Variants in RARB observed in about 807,000 individuals in gnomAD.
RARB encodes the protein HBV-activated protein.
Under a neutral mutation model 51.9 loss-of-function variants are expected in RARB, and 17 were observed. The ratio of observed to expected loss-of-function variants is 0.33; its 90% CI spans 0.22 to 0.49. The LOEUF (loss-of-function observed/expected upper bound fraction) is 0.49, where lower values mean the gene tolerates loss of function less well. Among genes scored for constraint, RARB ranks in the 20% least tolerant of loss-of-function variants. The pLI, the probability that RARB is intolerant of heterozygous loss-of-function variation, is 0.99. For missense variants in RARB, 369 were observed against 550.8 expected, an observed-to-expected ratio of 0.67 and a Z score of 3.30; for synonymous variants, 215 against 195.4, an observed-to-expected ratio of 1.10 and a Z score of -0.84.
At chr3:24,841,548 GTAACTCC>G (rs1702421863) in intron 1 of RARB, among the ~76,000 whole-genome samples, 1 of 152,146 alleles carries the variant, frequency 6.6e-6, no homozygotes, top group South Asian at 2.1e-4. Flanking sequence ...CAAATTTATA[GTAACTCC>G]TGTATCAAAA....
intron 5 of RARB, among the ~76,000 whole-genome samples, chr3:25,366,833 G>A (rs73156074): frequency 0.054 from 8,174 of 152,182 alleles, 720 homozygotes; most frequent in African/African-American, 0.18. Context: ...ATTTGGAATT[G>A]TTCATGGGCC....
intron 2 of RARB, among the ~76,000 whole-genome samples, chr3:25,055,993 G>A (rs979649401): frequency 1.3e-5 from 2 of 152,056 alleles, no homozygotes; most frequent in Admixed American, 1.3e-4. Context: ...TAAATGCTGT[G>A]GGAACAGAGT....
chr3:25,356,679 G>A (rs1484636222), intron 5 of RARB, among the ~76,000 whole-genome samples: 1 of 151,916 alleles, frequency 6.6e-6, no homozygotes, highest in Non-Finnish European at 1.5e-5. Context: ...CCCATTCCCT[G>A]ACAGGCCCTG....
chr3:25,408,296 C>T (rs1053890212), intron 5 of RARB, among the ~76,000 whole-genome samples: 1 of 152,068 alleles, frequency 6.6e-6, no homozygotes, highest in African/African-American at 2.4e-5. Flanking sequence ...AGTTGACTCA[C>T]ATTTCTGCAT....
At chr3:25,336,353 A>G (rs1575322065) in intron 5 of RARB, among the ~76,000 whole-genome samples, 3 of 152,344 alleles carry the variant, frequency 2.0e-5, no homozygotes, top group South Asian at 4.1e-4. Flanking sequence ...ATTAAATTCC[A>G]CAGATAACTT....
At chr3:24,927,984 T>C (rs1047156594) in intron 2 of RARB, among the ~76,000 whole-genome samples, 3 of 152,134 alleles carry the variant, frequency 2.0e-5, no homozygotes, top group Non-Finnish European at 2.9e-5. Context: ...CTTTGTACAA[T>C]GTGATTGCTT....
chr3:24,839,589 T>C (rs2125329573), intron 1 of RARB, among the ~76,000 whole-genome samples: 1 of 148,714 alleles, frequency 6.7e-6, no homozygotes, highest in East Asian at 2.0e-4. Context: ...ACATCTGTGG[T>C]CCCAGCTACT....
intron 2 of RARB, among the ~76,000 whole-genome samples, chr3:24,944,233 G>A (rs1695727941): frequency 6.6e-6 from 1 of 152,036 alleles, no homozygotes; most frequent in Non-Finnish European, 1.5e-5. Context: ...TATCTGTCTG[G>A]CCTTCTCATT....
intron 5 of RARB, among the ~76,000 whole-genome samples, chr3:25,229,337 ATTTC>A (rs1202500939): frequency 6.6e-6 from 1 of 152,092 alleles, no homozygotes; most frequent in African/African-American, 2.4e-5. Flanking sequence ...TACCATATGA[ATTTC>A]TTTCTGAAGG....
At chr3:25,439,955 T>C (rs1351827278) in intron 1 of RARB, among the ~76,000 whole-genome samples, 1 of 152,132 alleles carries the variant, frequency 6.6e-6, no homozygotes, top group Admixed American at 6.5e-5. Flanking sequence ...TGAGGTTGGG[T>C]AGACATTCTT....
intron 3 of RARB, among the ~76,000 whole-genome samples, chr3:25,077,117 C>T (rs984929034): frequency 2.6e-5 from 4 of 152,178 alleles, no homozygotes; most frequent in Non-Finnish European, 5.9e-5. Context: ...TATGGTCAAA[C>T]CCAATATTGA....
rs545288744 is a variant in RARB at position 25,524,821 on chromosome 3, C to A, written c.448+23498C>A. Among the ~76,000 whole-genome samples the A allele has an allele frequency of 2.6e-5, 4 of 152,208 alleles. No homozygotes were observed. The South Asian group carries it at 8.3e-4, about 32-fold the overall frequency. On this transcript the variant is annotated intron_variant, in intron 3 of 7. Transcript: ENST00000330688. ...CTTGGTTCACTGCAACCTCTGCCTC[C>A]TGGGTTCAAGTGAGTCTCCTGCCTC...
chr3:24,877,365 G>GTTTTTTTTTTTTTTTTTTTTTTTTTTTT (rs1383289916), intron 2 of RARB, among the ~76,000 whole-genome samples: 1 of 13,994 alleles, frequency 7.1e-5, no homozygotes, highest in African/African-American at 3.0e-4. Context: ...TTTTTTTTTG[G>GTTTTTTTTTTTTTTTTTTTTTTTTTTTT]AAAATTCACA....
intron 5 of RARB, among the ~76,000 whole-genome samples, chr3:25,364,189 G>T (rs1236986082): frequency 6.6e-6 from 1 of 151,952 alleles, no homozygotes; most frequent in Non-Finnish European, 1.5e-5. Context: ...AATTCCAAAA[G>T]GGCAGGATCC....
chr3:25,528,777 T>C (rs967774875), intron 3 of RARB, among the ~76,000 whole-genome samples: 5 of 152,106 alleles, frequency 3.3e-5, no homozygotes, highest in African/African-American at 9.7e-5. Flanking sequence ...TCCAGAGGAC[T>C]ACTCCACACA....
chr3:24,936,706 T>C (rs1695555486), intron 2 of RARB, among the ~76,000 whole-genome samples: 2 of 152,220 alleles, frequency 1.3e-5, no homozygotes, highest in Admixed American at 6.5e-5. Flanking sequence ...AAAATTATGA[T>C]TTTTGGCACT....
chr3:25,021,943 C>T (rs1396045625), intron 2 of RARB, among the ~76,000 whole-genome samples: 1 of 152,102 alleles, frequency 6.6e-6, no homozygotes, highest in African/African-American at 2.4e-5. Context: ...CTGAGTTAGG[C>T]ACCAAGTAGT....
At chr3:25,233,289 T>A (rs960115952) in intron 5 of RARB, among the ~76,000 whole-genome samples, 8 of 152,154 alleles carry the variant, frequency 5.3e-5, no homozygotes, top group African/African-American at 1.9e-4. Flanking sequence ...GATGATATTT[T>A]GAACATATTA....
chr3:25,276,081 G>A (rs1441598428), intron 5 of RARB, among the ~76,000 whole-genome samples: 3 of 152,234 alleles, frequency 2.0e-5, no homozygotes, highest in Non-Finnish European at 4.4e-5. Context: ...GGTTTATAAT[G>A]TGATGTTTAC....
Sources: allele counts gnomAD v4.1 joint callset (sites outside exome capture counted in the v4.1 genomes callset), GRCh38; gene constraint gnomAD v4.1.1; transcripts MANE v1.5; gene names NCBI Gene and HGNC (gene_info 2026-07-23, HGNC 2026-07-21).